SRGAP1: variants seen among roughly 807,000 people sequenced by gnomAD.
The protein encoded by SRGAP1 is SLIT-ROBO Rho GTPase-activating protein 1.
In SRGAP1, 43 loss-of-function variants were observed where a neutral mutation model predicts 121.9. That is an observed-to-expected ratio of 0.35 (90% CI 0.28 to 0.46). SRGAP1 has a LOEUF of 0.46. Among genes scored for constraint, SRGAP1 ranks in the 20% least tolerant of loss-of-function variants. The pLI, the probability that SRGAP1 is intolerant of heterozygous loss-of-function variation, is 1.00. For synonymous variants in SRGAP1, 447 were observed against 485.4 expected (o/e 0.92, Z 1.04); for missense variants, 1,102 against 1,350.9 (o/e 0.82, Z 2.89).
At chr12:64,046,175 G>T (rs2035126187) in intron 6 of SRGAP1, among the ~76,000 whole-genome samples, 1 of 152,168 alleles carries the variant, frequency 6.6e-6, no homozygotes, top group Non-Finnish European at 1.5e-5. Flanking sequence ...TAGCAAAGGA[G>T]GCCAGGATGG....
intron 6 of SRGAP1, among the ~76,000 whole-genome samples, chr12:64,055,834 G>A (rs1379640695): frequency 6.6e-6 from 1 of 151,964 alleles, no homozygotes; most frequent in Non-Finnish European, 1.5e-5. Context: ...CTGAATGTTG[G>A]GAGTCACCTG....
chr12:63,880,146 CCA>C (rs1900147426), intron 1 of SRGAP1, among the ~76,000 whole-genome samples: 1 of 152,180 alleles, frequency 6.6e-6, no homozygotes, highest in South Asian at 2.1e-4. Flanking sequence ...TAGCCTGCTG[CCA>C]TGTAAGACGT....
chr12:63,911,292 C>T (rs1372011318), intron 1 of SRGAP1, among the ~76,000 whole-genome samples: 2 of 125,270 alleles, frequency 1.6e-5, no homozygotes, highest in Non-Finnish European at 3.3e-5. Context: ...GAGTGAGACT[C>T]TGTCTCAAAA....
intron 6 of SRGAP1, among the ~76,000 whole-genome samples, chr12:64,047,215 C>T (rs2136512605): frequency 6.6e-6 from 1 of 152,242 alleles, no homozygotes; most frequent in East Asian, 1.9e-4. Flanking sequence ...AAATTGGGTA[C>T]TCTCTTAGTG....
Position 63,844,940 on chromosome 12 carries a change from G to A in SRGAP1, c.67+57G>A. The A allele has an allele frequency of 2.0e-6, 3 of 1,526,286 alleles. No homozygotes were observed. Among genetic ancestry groups the A allele is most frequent in the Non-Finnish European group, 2.7e-6 (3 of 1,099,944 alleles). The allele number at this position is 1,526,286 out of a possible 1,614,324, so 94.5% of individuals were successfully genotyped here. On this transcript the variant is annotated intron_variant, in intron 1 of 21. Coordinates refer to ENST00000355086, the MANE Select transcript of SRGAP1 (RefSeq NM_020762.4). The surrounding 1 kb of genome is among the most constrained non-coding windows in gnomAD (Gnocchi z 4.3). The stretch of plus-strand genomic sequence containing the variant: ...TGTGTGCCTTCTTGTCATTGTGCTC[G>A]TGGAGTTGCGTATCTAACTTGGTGT...
chr12:63,859,977 CATG>C (rs1366431973), intron 1 of SRGAP1, among the ~76,000 whole-genome samples: 1 of 152,108 alleles, frequency 6.6e-6, no homozygotes. Context: ...TTCTTTGACT[CATG>C]AGGTGTGTGT....
At chr12:64,074,692 C>T (rs966678608) in intron 8 of SRGAP1, among the ~76,000 whole-genome samples, 25 of 152,216 alleles carry the variant, frequency 1.6e-4, no homozygotes, top group African/African-American at 6.0e-4. Flanking sequence ...ACATGTTTGT[C>T]AATTTCAAGA....
At chr12:64,076,653 A>T (rs556363216) in intron 8 of SRGAP1, among the ~76,000 whole-genome samples, 3 of 149,738 alleles carry the variant, frequency 2.0e-5, no homozygotes, top group South Asian at 4.2e-4. Context: ...AGAAAAAAAA[A>T]TTTTTTTTTT....
chr12:64,089,071 A>T (rs1593116755), intron 11 of SRGAP1, among the ~76,000 whole-genome samples: 1 of 152,188 alleles, frequency 6.6e-6, no homozygotes, highest in Non-Finnish European at 1.5e-5. Flanking sequence ...GGATTAGCCA[A>T]TTCCTAGCAG....
At chr12:63,879,820 T>G (rs999217509) in intron 1 of SRGAP1, among the ~76,000 whole-genome samples, 3 of 152,226 alleles carry the variant, frequency 2.0e-5, no homozygotes, top group Non-Finnish European at 4.4e-5. Flanking sequence ...ACAGCTTCCC[T>G]CCCCATAATG....
chr12:64,092,424 A>G (rs137949848), intron 12 of SRGAP1, among the ~76,000 whole-genome samples: 120 of 152,192 alleles, frequency 7.9e-4, no homozygotes, highest in African/African-American at 2.6e-3. Flanking sequence ...TGTACTAATA[A>G]TTAAATAAAT....
chr12:63,991,565 A>C (rs901774471), intron 3 of SRGAP1, among the ~76,000 whole-genome samples: 1 of 152,226 alleles, frequency 6.6e-6, no homozygotes, highest in East Asian at 1.9e-4. Context: ...TAAAAAAATA[A>C]TTTAGACAGA....
intron 6 of SRGAP1, among the ~76,000 whole-genome samples, chr12:64,054,712 T>G (rs1452179373): frequency 6.8e-6 from 1 of 147,106 alleles, no homozygotes; most frequent in African/African-American, 2.6e-5. Flanking sequence ...GTTGGCTTTT[T>G]TTGTTTTGTT....
intron 1 of SRGAP1, among the ~76,000 whole-genome samples, chr12:63,955,989 A>G (rs1246498972): frequency 6.6e-6 from 1 of 152,136 alleles, no homozygotes; most frequent in Non-Finnish European, 1.5e-5. Context: ...GTTTGTTATG[A>G]CTGAGCTACT....
intron 1 of SRGAP1, among the ~76,000 whole-genome samples, chr12:63,911,722 C>T (rs1395196435): frequency 3.9e-5 from 6 of 152,140 alleles, no homozygotes; most frequent in African/African-American, 7.2e-5. Flanking sequence ...AGCATCACCC[C>T]GATTACATTG....
At chr12:63,896,717 G>A (rs879767095) in intron 1 of SRGAP1, among the ~76,000 whole-genome samples, 3 of 152,250 alleles carry the variant, frequency 2.0e-5, no homozygotes, top group Non-Finnish European at 4.4e-5. Flanking sequence ...TAAAACTCTT[G>A]TGTATACCAG....
chr12:63,996,561 G>C (rs530319932), intron 3 of SRGAP1, among the ~76,000 whole-genome samples: 1 of 152,136 alleles, frequency 6.6e-6, no homozygotes, highest in African/African-American at 2.4e-5. Flanking sequence ...GATGGTCATG[G>C]TTGTCATGTA....
At position 64,087,095 on chromosome 12, in the gene SRGAP1, A is replaced by G. The variant is rs1053947698; in HGVS notation, c.1436+69A>G. The G allele has an allele frequency of 6.7e-5, 80 of 1,194,082 alleles. No homozygotes were observed. The Middle Eastern group carries it at 8.2e-4, about 12-fold the overall frequency. The allele number at this position is 1,194,082 out of a possible 1,614,324, so 74.0% of individuals were successfully genotyped here. On this transcript the variant is annotated intron_variant, in intron 11 of 21. Transcript: ENST00000355086. The stretch of plus-strand genomic sequence containing the variant: ...TCTTTAACAAGAAGCAACCATTTCA[A>G]TGCTGAAAGAATTAACATTTTGTTA...
intron 1 of SRGAP1, among the ~76,000 whole-genome samples, chr12:63,966,022 G>A (rs2032780426): frequency 6.6e-6 from 1 of 152,168 alleles, no homozygotes; most frequent in Non-Finnish European, 1.5e-5. Context: ...GTTTCACCAT[G>A]TTAGCCAGGC....
Sources: allele counts gnomAD v4.1 joint callset (sites outside exome capture counted in the v4.1 genomes callset), GRCh38; gene constraint gnomAD v4.1.1; non-coding constraint Gnocchi (gnomAD v3.1); transcripts MANE v1.5; gene names NCBI Gene and HGNC (gene_info 2026-07-23, HGNC 2026-07-21).